Variants in RPTOR observed in about 807,000 individuals in gnomAD.
RPTOR encodes the protein regulatory-associated protein of mTOR.
RPTOR carries 21 observed loss-of-function variants against 169.9 expected under a neutral mutation model. The ratio of observed to expected loss-of-function variants is 0.12; its 90% CI spans 0.09 to 0.18. RPTOR has a LOEUF of 0.18. Ranked by LOEUF, RPTOR falls within the 10% of genes least tolerant of loss-of-function variation. The pLI, the probability that RPTOR is intolerant of heterozygous loss-of-function variation, is 1.00. For missense variants in RPTOR, 1,133 were observed against 1,855.9 expected, an observed-to-expected ratio of 0.61 and a Z score of 7.16; for synonymous variants, 732 against 753.2, an observed-to-expected ratio of 0.97 and a Z score of 0.46.
chr17:80,829,628 TG>T (rs577875750), intron 9 of RPTOR, among the ~76,000 whole-genome samples: 2 of 152,018 alleles, frequency 1.3e-5, no homozygotes, highest in African/African-American at 4.8e-5. Context: ...GCTCCCAGCA[TG>T]GGGGGCGGCC....
chr17:80,610,538 C>T (rs1225040447), intron 1 of RPTOR, among the ~76,000 whole-genome samples: 1 of 152,014 alleles, frequency 6.6e-6, no homozygotes, highest in Non-Finnish European at 1.5e-5. Context: ...TAATAGGGAC[C>T]CTGTGCTTGA....
rs576682890 is a variant in RPTOR, at chr17:80,787,968, A to G, written c.831-3482A>G. ...AATGTTAACAAGTTTGTGTGTCATC[A>G]TTACTTCATAGATCCCCTTCAGCGT... On this transcript the variant is annotated intron_variant, in intron 6 of 33. Transcript: ENST00000306801. Among the ~76,000 whole-genome samples, 103 of 152,264 alleles carry G rather than the reference A, an allele frequency of 6.8e-4. 1 individual carries two copies. The highest frequency in any genetic ancestry group is 1.2e-3 in the Admixed American group (19 of 15,294).
chr17:80,965,945 C>T lies in RPTOR; in HGVS notation c.*1615C>T, dbSNP rs1290934966. 1 of 233,312 alleles carries T rather than the reference C, an allele frequency of 4.3e-6. No individual in the cohort carries two copies. Among genetic ancestry groups the T allele is most frequent in the African/African-American group, 2.2e-5 (1 of 45,348 alleles). The allele number at this position is 233,312 out of a possible 1,614,324, so 14.5% of individuals were successfully genotyped here. On this transcript the variant is annotated 3_prime_UTR_variant, in exon 34 of 34. Coordinates refer to ENST00000306801, the MANE Select transcript of RPTOR (RefSeq NM_020761.3). ...TGTAGAGAGTCCCGGCCTCACTCAG[C>T]TCACAGGGCGTGCCAGGCGGCAACA...
At chr17:80,939,906 T>G (rs1461880853) in intron 24 of RPTOR, among the ~76,000 whole-genome samples, 1 of 152,212 alleles carries the variant, frequency 6.6e-6, no homozygotes, top group Non-Finnish European at 1.5e-5. Context: ...ATCATACACC[T>G]GTCAGCCTCA....
At chr17:80,923,363 A>G in intron 22 of RPTOR, 127 bp from the exon 23 acceptor site, 1 of 979,720 alleles carries the variant, frequency 1.0e-6, no homozygotes, top group Admixed American at 2.0e-5. Flanking sequence ...ATGCTGGGTG[A>G]CTGAGGACAC....
At chr17:80,964,209 C>CCCCCCG in intron 33 of RPTOR, 53 bp from the exon 34 acceptor site, 3 of 1,325,546 alleles carry the variant, frequency 2.3e-6, no homozygotes, top group Admixed American at 1.7e-5. Context: ...CCCCGCCCCC[C>CCCCCCG]GCAGTGTCTG....
chr17:80,839,530 G>A (rs1001951821), intron 10 of RPTOR, among the ~76,000 whole-genome samples: 33 of 150,242 alleles, frequency 2.2e-4, no homozygotes, highest in Admixed American at 4.7e-4. Flanking sequence ...TGGGCTTCTA[G>A]ACAAAGGCCT....
chr17:80,670,798 A>T (rs191052165), intron 3 of RPTOR, among the ~76,000 whole-genome samples: 39 of 148,646 alleles, frequency 2.6e-4, no homozygotes, highest in Non-Finnish European at 5.1e-4. Context: ...CAGCCCCCCA[A>T]CTCCCCCCCA....
intron 3 of RPTOR, among the ~76,000 whole-genome samples, chr17:80,674,813 A>G (rs960952287): frequency 7.8e-6 from 1 of 128,068 alleles, no homozygotes; most frequent in Admixed American, 8.1e-5. Context: ...AAAAAAAAAA[A>G]AAAAAAAAAA....
chr17:80,747,651 C>G (rs533879706), intron 5 of RPTOR, among the ~76,000 whole-genome samples: 1 of 152,378 alleles, frequency 6.6e-6, no homozygotes, highest in East Asian at 1.9e-4. Context: ...TCTCAGGGTG[C>G]AGGCTGAGAT....
chr17:80,894,849 G>A (rs537681636), intron 20 of RPTOR, among the ~76,000 whole-genome samples: 1 of 152,260 alleles, frequency 6.6e-6, no homozygotes, highest in South Asian at 2.1e-4. Context: ...ATTCCCTCTG[G>A]TGACATTACA....
intron 11 of RPTOR, among the ~76,000 whole-genome samples, chr17:80,850,565 G>A (rs2672897): frequency 0.67 from 101,442 of 152,086 alleles, 36,174 homozygotes; most frequent in Non-Finnish European, 0.8. Context: ...GTGCACCACC[G>A]CACCTGGCCA....
At chr17:80,665,625 A>G (rs903037313) in intron 3 of RPTOR, among the ~76,000 whole-genome samples, 10 of 149,632 alleles carry the variant, frequency 6.7e-5, no homozygotes, top group Non-Finnish European at 1.5e-4. Context: ...GCTCACTGCA[A>G]CCTCCGCCTC....
At chr17:80,552,987 G>A (rs1254018514) in intron 1 of RPTOR, among the ~76,000 whole-genome samples, 2 of 152,196 alleles carry the variant, frequency 1.3e-5, no homozygotes, top group East Asian at 1.9e-4. Context: ...CTAGACCCTT[G>A]CAGGGATCCA....
intron 1 of RPTOR, among the ~76,000 whole-genome samples, chr17:80,547,139 A>C (rs1458808702): frequency 6.6e-6 from 1 of 152,136 alleles, no homozygotes; most frequent in Non-Finnish European, 1.5e-5. Context: ...TTAGCTACTG[A>C]CTTGGCTTAC....
At position 80,893,778 on chromosome 17, in the gene RPTOR, C is replaced by G; in HGVS notation, c.2314C>G (p.Pro772Ala). ...SSSASSTLGS[P>A]ENEEHILSFE... ...CAGCGCCAGCAGCACCCTGGGCAGC[C>G]CCGAGAATGAGGAGCATATCCTGTC... The change falls in exon 20 of 34, where the codon CCC becomes GCC. Residue 772 changes from proline (P) to alanine (A), a missense_variant. By Grantham distance (27) the Pro-to-Ala change is conservative (BLOSUM62 -1). Around this residue, in one of 9 missense-constraint regions of RPTOR, gnomAD observed 150 missense variants for 206.4 expected, o/e 0.73. Transcript: ENST00000306801. 2.5e-6 allele frequency: 4 copies of G among 1,598,128 alleles called. No individual in the cohort carries two copies. The highest frequency in any genetic ancestry group is 3.4e-6 in the Non-Finnish European group (4 of 1,172,052).
intron 3 of RPTOR, among the ~76,000 whole-genome samples, chr17:80,666,950 A>C (rs2065784899): frequency 6.6e-6 from 1 of 152,196 alleles, no homozygotes; most frequent in Non-Finnish European, 1.5e-5. Context: ...TTTATAGTCC[A>C]GCCAACAGCA....
chr17:80,908,923 C>T lies in RPTOR; in HGVS notation c.2514C>T (p.Ala838=). The change falls in exon 21 of 34, where the codon GCC becomes GCT. Residue 838 remains alanine (A), a synonymous_variant. Transcript: ENST00000306801. The part of the protein sequence containing the change: ...DVAMKVLNSI[A]YKATVNARPQ... ...CCATGAAAGTACTCAACAGCATCGC[C>T]TACAAGGTACGTGCCGGGCGCTCCC... 6.2e-7 allele frequency: 1 copy of T among 1,612,608 alleles called. No homozygotes were observed. Among genetic ancestry groups the T allele is most frequent in the Non-Finnish European group, 8.5e-7 (1 of 1,178,700 alleles).
chr17:80,688,431 A>G (rs1283604874), intron 3 of RPTOR, among the ~76,000 whole-genome samples: 2 of 152,230 alleles, frequency 1.3e-5, no homozygotes, highest in African/African-American at 4.8e-5. Flanking sequence ...AGGTTTATCA[A>G]GAAGTCTGAA....
Sources: gnomAD v4.1 joint callset for allele counts (sites outside exome capture counted in the v4.1 genomes callset) on GRCh38, gnomAD v4.1.1 for gene constraint, gnomAD v4.1.1 regional missense constraint, MANE v1.5 for transcripts, NCBI Gene and HGNC (gene_info 2026-07-23, HGNC 2026-07-21) for gene names.